The following PTPRZ1 variants were observed in gnomAD, a reference collection of about 807,000 sequenced individuals.
The protein encoded by PTPRZ1 is protein tyrosine phosphatase receptor type Z1.
In PTPRZ1, 82 loss-of-function variants were observed where a neutral mutation model predicts 214.1. That is an observed-to-expected ratio of 0.38 (90% CI 0.32 to 0.46). The LOEUF (loss-of-function observed/expected upper bound fraction) is 0.46. PTPRZ1 is among the 20% of genes least tolerant of loss of function. The pLI is 1.00. For synonymous variants in PTPRZ1, 945 were observed against 987.9 expected, an observed-to-expected ratio of 0.96 and a Z score of 0.81; for missense variants, 2,603 against 2,748.7, an observed-to-expected ratio of 0.95 and a Z score of 1.19.
At chr7:122,045,700 A>T (rs911624760) in intron 23 of PTPRZ1, among the ~76,000 whole-genome samples, 2 of 151,752 alleles carry the variant, frequency 1.3e-5, no homozygotes, top group Admixed American at 1.3e-4. Flanking sequence ...ACACACACAC[A>T]CACACACACA....
In PTPRZ1 at chr7:122,054,040, T is replaced by C; in HGVS notation, c.6381+2T>C. On this transcript the variant is annotated splice_donor_variant, in intron 26 of 29. Coordinates refer to ENST00000393386, the MANE Select transcript of PTPRZ1 (RefSeq NM_002851.3). LOFTEE classifies it high-confidence loss of function. ...ATGATTCCTGATGGCCAAAACATGG[T>C]AAGTCCCTTAGACCACTTTTGGGAC... The C allele has an allele frequency of 6.2e-7, 1 of 1,612,706 alleles. No individual in the cohort carries two copies. Among genetic ancestry groups the C allele is most frequent in the Non-Finnish European group, 8.5e-7 (1 of 1,179,026 alleles).
At chr7:121,905,229 A>G (rs1795081224) in intron 1 of PTPRZ1, among the ~76,000 whole-genome samples, 1 of 152,162 alleles carries the variant, frequency 6.6e-6, no homozygotes, top group Non-Finnish European at 1.5e-5. Context: ...TAAGAATTCC[A>G]TGTTTTATAG....
chr7:121,937,265 A>G lies in PTPRZ1; in HGVS notation c.124+9044A>G, dbSNP rs938524651. Among the ~76,000 whole-genome samples the G allele has an allele frequency of 1.2e-4, 19 of 152,256 alleles. No individual in the cohort carries two copies. In the East Asian group the frequency reaches 3.7e-3, roughly 30 times the overall value. The stretch of plus-strand genomic sequence containing the variant: ...AAGAGCCGTGTTTGATAACCTCAGG[A>G]CAGTGGGCCTGTTGGAAGCCAGAAT... On this transcript the variant is annotated intron_variant, in intron 2 of 29. Transcript: ENST00000393386.
intron 18 of PTPRZ1, 84 bp downstream of exon 18, chr7:122,036,766 C>A: frequency 1.2e-6 from 1 of 849,716 alleles, no homozygotes; most frequent in Non-Finnish European, 1.9e-6. Flanking sequence ...CATACATATA[C>A]TAGTGCTTAA....
chr7:122,038,175 G>A (rs1052136424), intron 18 of PTPRZ1, among the ~76,000 whole-genome samples: 1 of 152,032 alleles, frequency 6.6e-6, no homozygotes, highest in Non-Finnish European at 1.5e-5. Flanking sequence ...ACAACACACA[G>A]GAATTATGGA....
intron 13 of PTPRZ1, among the ~76,000 whole-genome samples, chr7:122,025,880 TTATCTACAATGTGATTA>T (rs1799195734): frequency 6.6e-6 from 1 of 152,218 alleles, no homozygotes; most frequent in African/African-American, 2.4e-5. Flanking sequence ...GCAGGTTTAT[TTATCTACAATGTGATTA>T]TATTGTTAGA....
chr7:121,975,483 G>A (rs1797401388), intron 4 of PTPRZ1, among the ~76,000 whole-genome samples: 1 of 152,146 alleles, frequency 6.6e-6, no homozygotes, highest in Admixed American at 6.5e-5. Context: ...CCCAAAGCAG[G>A]AGCCACTGCT....
chr7:121,991,652 G>T (rs1797965652), intron 8 of PTPRZ1, among the ~76,000 whole-genome samples: 1 of 152,136 alleles, frequency 6.6e-6, no homozygotes, highest in Non-Finnish European at 1.5e-5. Context: ...AAAGTGAAAT[G>T]AATATTATTT....
In PTPRZ1 at chr7:121,984,048, G is replaced by C; in HGVS notation, c.859G>C (p.Glu287Gln). Residue 287 changes from glutamate (E) to glutamine (Q), a missense_variant, in exon 8 of 30, where the codon GAG becomes CAG. Coordinates refer to ENST00000393386, the MANE Select transcript of PTPRZ1 (RefSeq NM_002851.3). Reference protein sequence around the residue: ...LMDYLQNNFREQQYKFSRQVF... With the variant: ...LMDYLQNNFRQQQYKFSRQVF... ...GGACTACTTACAAAACAATTTTCGAGAGCAACAGTACAAGTTCTCTAGACA... is the reference window on the plus strand; with the variant it reads ...GGACTACTTACAAAACAATTTTCGACAGCAACAGTACAAGTTCTCTAGACA... The C allele has an allele frequency of 6.2e-7, 1 of 1,613,558 alleles. No individual in the cohort carries two copies. The highest frequency in any genetic ancestry group is 8.5e-7 in the Non-Finnish European group (1 of 1,179,702).
rs770406556 is a variant in PTPRZ1, at chr7:122,011,544, G to T, written c.2498G>T (p.Arg833Leu). 6.2e-7 allele frequency: 1 copy of T among 1,613,766 alleles called. No individual in the cohort carries two copies. The highest frequency in any genetic ancestry group is 1.7e-5 in the Admixed American group (1 of 59,976). ...GCTTCCTTCAGTAGTGAATTGTTTC[G>T]CCATCTGCATACAGTTTCTCAAATC... ...SSASFSSELF[R>L]HLHTVSQILP... Residue 833 changes from arginine to leucine, a missense_variant, in exon 12 of 30, where the codon CGC (arginine) becomes CTC (leucine). This residue lies in a region of PTPRZ1 where 1,913 missense variants were observed against 1,914.3 expected (regional missense o/e 1.00). Transcript: ENST00000393386.
intron 1 of PTPRZ1, among the ~76,000 whole-genome samples, chr7:121,906,234 T>A (rs1169980671): frequency 6.6e-6 from 1 of 152,206 alleles, no homozygotes; most frequent in Non-Finnish European, 1.5e-5. Context: ...CTAAAGACTG[T>A]ATCAAGGATG....
chr7:122,016,465 TTGTC>T (rs894153081), intron 12 of PTPRZ1, among the ~76,000 whole-genome samples: 6 of 152,120 alleles, frequency 3.9e-5, no homozygotes, highest in African/African-American at 9.6e-5. Context: ...AACCAACTGA[TTGTC>T]TGTGCTTTCA....
chr7:121,997,249 C>G (rs1395907382), intron 9 of PTPRZ1, among the ~76,000 whole-genome samples: 1 of 152,198 alleles, frequency 6.6e-6, no homozygotes, highest in African/African-American at 2.4e-5. Context: ...GGACACTGGA[C>G]TCTGCACTCA....
intron 11 of PTPRZ1, 122 bp from the exon 12 acceptor site, chr7:122,010,212 G>A: frequency 1.1e-6 from 1 of 895,258 alleles, no homozygotes. Flanking sequence ...GTACAGAATG[G>A]TGTTTTATGA....
At chr7:122,031,660 T>C in intron 15 of PTPRZ1, 101 bp downstream of exon 15, 1 of 734,916 alleles carries the variant, frequency 1.4e-6, no homozygotes, top group Non-Finnish European at 2.2e-6. Context: ...TGCAACCATT[T>C]GCACTTCTAG....
At chr7:122,048,630 C>T (rs576445313) in intron 23 of PTPRZ1, among the ~76,000 whole-genome samples, 30 of 151,772 alleles carry the variant, frequency 2.0e-4, no homozygotes, top group African/African-American at 5.3e-4. Flanking sequence ...CTTTTATGTA[C>T]CCAAAGAAAT....
intron 2 of PTPRZ1, among the ~76,000 whole-genome samples, chr7:121,950,522 T>C (rs1796518344): frequency 6.6e-6 from 1 of 152,218 alleles, no homozygotes; most frequent in Non-Finnish European, 1.5e-5. Context: ...GAAACTGCCA[T>C]GTCTTCTCTA....
At chr7:122,043,384 T>C (rs1326226124) in intron 22 of PTPRZ1, among the ~76,000 whole-genome samples, 1 of 152,210 alleles carries the variant, frequency 6.6e-6, no homozygotes, top group Non-Finnish European at 1.5e-5. Flanking sequence ...GTTCTTCATA[T>C]ACATAGTGGA....
intron 1 of PTPRZ1, among the ~76,000 whole-genome samples, chr7:121,892,110 T>C (rs1018515412): frequency 6.6e-6 from 1 of 152,208 alleles, no homozygotes; most frequent in African/African-American, 2.4e-5. Context: ...AGTTTGTTGC[T>C]TTATACCATA....
Sources: allele counts gnomAD v4.1 joint callset (sites outside exome capture counted in the v4.1 genomes callset), GRCh38; gene constraint gnomAD v4.1.1; regional missense constraint gnomAD v4.1.1; transcripts MANE v1.5; gene names NCBI Gene and HGNC (gene_info 2026-07-23, HGNC 2026-07-21).